Variants in DPYD observed in about 807,000 individuals in gnomAD.
The protein encoded by DPYD is dihydropyrimidine dehydrogenase, also known as dihydropyrimidine dehydrogenase [NADP(+)].
A neutral mutation model predicts 116.2 loss-of-function variants in DPYD; 109 were observed. The observed-to-expected ratio is 0.94, with a 90% CI of 0.80 to 1.10. The LOEUF (loss-of-function observed/expected upper bound fraction) is 1.10. DPYD is among the 50% of genes least tolerant of loss of function. The probability of loss-of-function intolerance (pLI) is 0.00; values close to 1 mark genes in which losing one functional copy is unlikely to be tolerated. For synonymous variants in DPYD, 440 were observed against 432.0 expected, an observed-to-expected ratio of 1.02 and a Z score of -0.23; for missense variants, 1,302 against 1,254.5, an observed-to-expected ratio of 1.04 and a Z score of -0.57.
At chr1:97,441,947 T>C (rs750268045) in intron 14 of DPYD, among the ~76,000 whole-genome samples, 6 of 152,158 alleles carry the variant, frequency 3.9e-5, no homozygotes, top group Non-Finnish European at 7.4e-5. Context: ...GAGTCTTATT[T>C]ATATTCTATT....
chr1:97,487,676 A>C (rs1388601321), intron 13 of DPYD, among the ~76,000 whole-genome samples: 2 of 152,196 alleles, frequency 1.3e-5, no homozygotes, highest in Middle Eastern at 3.2e-3. Context: ...CTGTCTCAAA[A>C]AACAAAACAA....
chr1:97,427,100 A>G (rs533806315), intron 14 of DPYD, among the ~76,000 whole-genome samples: 220 of 152,230 alleles, frequency 1.4e-3, no homozygotes, highest in Non-Finnish European at 2.5e-3. Flanking sequence ...TAAGTCCTTT[A>G]AGAAAATTCA....
At chr1:97,266,542 T>G (rs1030793033) in intron 18 of DPYD, among the ~76,000 whole-genome samples, 2 of 152,164 alleles carry the variant, frequency 1.3e-5, no homozygotes, top group South Asian at 4.1e-4. Context: ...TTTTTATTAT[T>G]ATTATACGTT....
intron 16 of DPYD, among the ~76,000 whole-genome samples, chr1:97,348,266 G>A (rs147527963): frequency 5.3e-5 from 8 of 152,020 alleles, no homozygotes; most frequent in Non-Finnish European, 1.0e-4. Flanking sequence ...TTCATGTTCT[G>A]AATAATTCAA....
At chr1:97,469,875 G>A (rs1239808798) in intron 13 of DPYD, among the ~76,000 whole-genome samples, 1 of 152,152 alleles carries the variant, frequency 6.6e-6, no homozygotes, top group Non-Finnish European at 1.5e-5. Context: ...GAGGATACAG[G>A]CTAGAGAAAA....
At chr1:97,332,942 CT>C (rs1217364320) in intron 16 of DPYD, among the ~76,000 whole-genome samples, 3 of 152,014 alleles carry the variant, frequency 2.0e-5, no homozygotes, top group African/African-American at 7.3e-5. Context: ...ATGAGTTGAA[CT>C]TTCAAGAGCT....
At chr1:97,255,422 G>A (rs10875059) in intron 18 of DPYD, among the ~76,000 whole-genome samples, 34,995 of 151,936 alleles carry the variant, frequency 0.23, 4,316 homozygotes, top group South Asian at 0.5. Flanking sequence ...AAATCATGTG[G>A]GCAGGTCTTT....
chr1:97,530,691 A>G (rs1365550886), intron 12 of DPYD, among the ~76,000 whole-genome samples: 1 of 152,182 alleles, frequency 6.6e-6, no homozygotes, highest in South Asian at 2.1e-4. Context: ...AAATTTTTTG[A>G]GAAACATCTA....
At chr1:97,472,064 C>A (rs926703602) in intron 13 of DPYD, among the ~76,000 whole-genome samples, 1 of 151,978 alleles carries the variant, frequency 6.6e-6, no homozygotes, top group Non-Finnish European at 1.5e-5. Context: ...AAGAGTCATA[C>A]AAAAAATCTA....
intron 12 of DPYD, among the ~76,000 whole-genome samples, chr1:97,538,536 T>G (rs757487510): frequency 4.7e-4 from 71 of 152,060 alleles, no homozygotes; most frequent in Non-Finnish European, 1.2e-4. Context: ...CAGAAGAAAA[T>G]ACACACAGAA....
intron 20 of DPYD, among the ~76,000 whole-genome samples, chr1:97,171,455 T>A (rs1656720285): frequency 6.6e-6 from 1 of 152,136 alleles, no homozygotes; most frequent in Admixed American, 6.5e-5. Context: ...TTAAAAACAA[T>A]GATTCTCTCT....
At chr1:97,779,248 G>C (rs1485677442) in intron 3 of DPYD, among the ~76,000 whole-genome samples, 1 of 151,848 alleles carries the variant, frequency 6.6e-6, no homozygotes, top group Non-Finnish European at 1.5e-5. Context: ...TCCAATAACA[G>C]TTTAAGAAGT....
chr1:97,135,725 T>C (rs60501429), intron 20 of DPYD, among the ~76,000 whole-genome samples: 109 of 152,290 alleles, frequency 7.2e-4, no homozygotes, highest in African/African-American at 2.4e-3. Context: ...GATTTCTTGT[T>C]TTCTATCCTC....
chr1:97,782,006 C>T (rs887535774), intron 3 of DPYD, among the ~76,000 whole-genome samples: 3 of 152,182 alleles, frequency 2.0e-5, no homozygotes, highest in Non-Finnish European at 4.4e-5. Flanking sequence ...GCCTGTGTCT[C>T]ATTCCAATCC....
intron 2 of DPYD, among the ~76,000 whole-genome samples, chr1:97,864,686 A>T (rs551270429): frequency 6.6e-6 from 1 of 152,058 alleles, no homozygotes; most frequent in African/African-American, 2.4e-5. Context: ...GAAGAAAAAT[A>T]CTTCGAGAAG....
chr1:97,894,275 G>A (rs1672938383), intron 1 of DPYD, among the ~76,000 whole-genome samples: 1 of 151,710 alleles, frequency 6.6e-6, no homozygotes. Flanking sequence ...CACTATGAGG[G>A]TCCCACCCTC....
intron 3 of DPYD, among the ~76,000 whole-genome samples, chr1:97,741,146 A>G (rs1186354523): frequency 6.6e-6 from 1 of 152,154 alleles, no homozygotes; most frequent in Non-Finnish European, 1.5e-5. Context: ...TTCCAGTAGC[A>G]GCACACATAC....
At chr1:97,699,319 C>T (rs750630269) in intron 6 of DPYD, 32 bp downstream of exon 6, 5 of 1,596,576 alleles carry the variant, frequency 3.1e-6, no homozygotes, top group Non-Finnish European at 4.3e-6. Context: ...TCATTTCTGA[C>T]ACTATAAACA....
At chr1:97,903,142 C>CA (rs1673444967) in intron 1 of DPYD, among the ~76,000 whole-genome samples, 2 of 151,834 alleles carry the variant, frequency 1.3e-5, no homozygotes, top group African/African-American at 4.8e-5. Flanking sequence ...ACTATTTACA[C>CA]ACTTGTTAAG....
Sources: allele counts gnomAD v4.1 joint callset (sites outside exome capture counted in the v4.1 genomes callset), GRCh38; gene constraint gnomAD v4.1.1; transcripts MANE v1.5; gene names NCBI Gene and HGNC (gene_info 2026-07-23, HGNC 2026-07-21).